Variants in SPAG16 observed in about 807,000 individuals in gnomAD.
SPAG16 encodes sperm associated antigen 16, also known as sperm-associated antigen 16 protein.
SPAG16 carries 86 observed loss-of-function variants against 80.4 expected under a neutral mutation model. That is an observed-to-expected ratio of 1.07 (90% CI 0.90 to 1.28). The LOEUF (loss-of-function observed/expected upper bound fraction) is 1.28. Ranked by LOEUF, SPAG16 falls within the 50% of genes most tolerant of loss-of-function variation. The probability of loss-of-function intolerance (pLI) is 0.00; values close to 1 mark genes in which losing one functional copy is unlikely to be tolerated. For missense variants in SPAG16, 870 were observed against 765.3 expected (o/e 1.14, Z -1.61); for synonymous variants, 294 against 265.9 (o/e 1.11, Z -1.03).
At chr2:213,915,014 C>T (rs564733683) in intron 11 of SPAG16, among the ~76,000 whole-genome samples, 85 of 152,266 alleles carry the variant, frequency 5.6e-4, no homozygotes, top group African/African-American at 1.8e-3. Flanking sequence ...TAATGACTCA[C>T]AGTTCCACAT....
At chr2:214,288,752 C>CTTATTTATTTATTTATTTAT (rs58056064) in intron 15 of SPAG16, among the ~76,000 whole-genome samples, 2,384 of 141,510 alleles carry the variant, frequency 0.017, 33 homozygotes, top group Middle Eastern at 0.021. Context: ...CCTTTGCCCA[C>CTTATTTATTTATTTATTTAT]TTATTTATTT....
rs540231415 is a variant in SPAG16 at position 213,608,937 on chromosome 2, C to T, written c.1070+118847C>T. ...TGACCTTGTGATCTGCCCGCCTCGG[C>T]CTCCCAAAGTACTGGGATTACAGGC... is the stretch of plus-strand genomic sequence containing the variant. On this transcript the variant is annotated intron_variant, in intron 10 of 15. Transcript: ENST00000331683. 9.8e-5 allele frequency among the ~76,000 whole-genome samples: 15 copies of T among 152,352 alleles called. No individual in the cohort carries two copies. In the East Asian group the frequency reaches 2.9e-3, roughly 29 times the overall value.
chr2:214,233,226 T>C (rs1373656243), intron 15 of SPAG16, among the ~76,000 whole-genome samples: 2 of 151,956 alleles, frequency 1.3e-5, no homozygotes, highest in African/African-American at 4.8e-5. Flanking sequence ...TTCTGGGGTG[T>C]TGGCAATAGT....
intron 13 of SPAG16, among the ~76,000 whole-genome samples, chr2:214,080,785 A>T (rs2051346549): frequency 6.6e-6 from 1 of 152,158 alleles, no homozygotes; most frequent in Non-Finnish European, 1.5e-5. Context: ...CAAAACAAAC[A>T]TAACCTTTAC....
At chr2:214,003,674 C>A (rs918752619) in intron 12 of SPAG16, among the ~76,000 whole-genome samples, 5 of 152,288 alleles carry the variant, frequency 3.3e-5, no homozygotes, top group African/African-American at 1.2e-4. Flanking sequence ...GGGTTAATTT[C>A]CTGGAAGCTG....
intron 14 of SPAG16, among the ~76,000 whole-genome samples, chr2:214,120,716 T>G (rs1225840567): frequency 6.6e-6 from 1 of 151,934 alleles, no homozygotes; most frequent in Admixed American, 6.6e-5. Flanking sequence ...TGGATCCTAC[T>G]TTATTACTTG....
At chr2:214,323,907 A>G (rs1286201753) in intron 15 of SPAG16, among the ~76,000 whole-genome samples, 1 of 152,224 alleles carries the variant, frequency 6.6e-6, no homozygotes, top group Non-Finnish European at 1.5e-5. Context: ...AAAGCTGCAT[A>G]AGAATAATTT....
chr2:213,926,028 C>A (rs2078459328), intron 11 of SPAG16, among the ~76,000 whole-genome samples: 1 of 151,954 alleles, frequency 6.6e-6, no homozygotes, highest in African/African-American at 2.4e-5. Context: ...ACATGTGGTT[C>A]TAGGTCTTAA....
rs144099393 is a variant in SPAG16, at chr2:214,269,620, G to T, written c.1720+120354G>T. Among the ~76,000 whole-genome samples the T allele has an allele frequency of 5.7e-4, 87 of 152,138 alleles. 1 individual carries two copies. The Middle Eastern group carries it at 0.01, about 18-fold the overall frequency. On this transcript the variant is annotated intron_variant, in intron 15 of 15. Coordinates refer to ENST00000331683, the MANE Select transcript of SPAG16 (RefSeq NM_024532.5). ...TCCACTCTATGCCAAACTACAAATT[G>T]TAATGCCATAAGAATTATATTGCAT...
intron 10 of SPAG16, among the ~76,000 whole-genome samples, chr2:213,781,519 C>A (rs1450942596): frequency 2.0e-5 from 3 of 152,070 alleles, no homozygotes; most frequent in Non-Finnish European, 2.9e-5. Flanking sequence ...CATACTTTCC[C>A]CATGGAAGGA....
At chr2:213,534,536 G>A (rs1047621864) in intron 10 of SPAG16, among the ~76,000 whole-genome samples, 3 of 151,952 alleles carry the variant, frequency 2.0e-5, no homozygotes, top group African/African-American at 7.2e-5. Context: ...TTATAAAATG[G>A]ACTACAACTC....
chr2:214,268,326 T>C (rs1007291168), intron 15 of SPAG16, among the ~76,000 whole-genome samples: 4 of 151,888 alleles, frequency 2.6e-5, no homozygotes, highest in Non-Finnish European at 5.9e-5. Context: ...CTGAAATCAG[T>C]ATGTTGAAGA....
intron 15 of SPAG16, among the ~76,000 whole-genome samples, chr2:214,195,943 A>G (rs1381352563): frequency 6.6e-6 from 1 of 152,042 alleles, no homozygotes; most frequent in Non-Finnish European, 1.5e-5. Flanking sequence ...AAAAATGCCC[A>G]GGACTGAGCC....
At chr2:213,431,672 G>A (rs78848768) in intron 9 of SPAG16, among the ~76,000 whole-genome samples, 6 of 151,720 alleles carry the variant, frequency 4.0e-5, no homozygotes. Flanking sequence ...AACACCCTAC[G>A]GACACACTAT....
At chr2:213,401,747 T>G (rs1162852874) in intron 9 of SPAG16, among the ~76,000 whole-genome samples, 3 of 152,150 alleles carry the variant, frequency 2.0e-5, no homozygotes, top group Non-Finnish European at 4.4e-5. Flanking sequence ...TTATTCATGT[T>G]TTTGGACGTG....
At chr2:214,381,182 C>G (rs1417132350) in intron 15 of SPAG16, among the ~76,000 whole-genome samples, 1 of 152,150 alleles carries the variant, frequency 6.6e-6, no homozygotes, top group East Asian at 1.9e-4. Context: ...GAGAACAGTT[C>G]AAAGGAATGT....
intron 12 of SPAG16, among the ~76,000 whole-genome samples, chr2:213,968,869 A>G (rs1175414537): frequency 3.3e-5 from 5 of 152,238 alleles, no homozygotes; most frequent in African/African-American, 1.2e-4. Context: ...TACATAGCAC[A>G]TATATATTTA....
At chr2:213,483,824 C>T (rs1429778637) in intron 9 of SPAG16, among the ~76,000 whole-genome samples, 1 of 152,154 alleles carries the variant, frequency 6.6e-6, no homozygotes, top group African/African-American at 2.4e-5. Flanking sequence ...ATTTTCTAAG[C>T]ATATCAATTT....
At chr2:213,541,535 G>C (rs917720245) in intron 10 of SPAG16, among the ~76,000 whole-genome samples, 1 of 152,160 alleles carries the variant, frequency 6.6e-6, no homozygotes, top group East Asian at 1.9e-4. Context: ...CAAGAGGATA[G>C]CTCGAACCCA....
Sources: gnomAD v4.1 joint callset for allele counts (sites outside exome capture counted in the v4.1 genomes callset) on GRCh38, gnomAD v4.1.1 for gene constraint, MANE v1.5 for transcripts, NCBI Gene and HGNC (gene_info 2026-07-23, HGNC 2026-07-21) for gene names.